The following TCF7L1 variants were observed in gnomAD, a reference collection of about 807,000 sequenced individuals.
TCF7L1 encodes the protein transcription factor 7 like 1.
TCF7L1 carries 18 observed loss-of-function variants against 63.7 expected under a neutral mutation model. The ratio of observed to expected loss-of-function variants is 0.28; its 90% CI spans 0.20 to 0.42. TCF7L1 has a LOEUF of 0.42. Among genes scored for constraint, TCF7L1 ranks in the 10% least tolerant of loss-of-function variants. The pLI is 1.00. For missense variants in TCF7L1, 654 were observed against 779.3 expected (o/e 0.84, Z 1.91); for synonymous variants, 355 against 340.9 (o/e 1.04, Z -0.46).
intron 3 of TCF7L1, among the ~76,000 whole-genome samples, chr2:85,276,619 C>T (rs1421708377): frequency 6.7e-6 from 1 of 149,886 alleles, no homozygotes; most frequent in East Asian, 2.1e-4. Context: ...GCCTTCTAAA[C>T]ACCAGTCACA....
chr2:85,252,984 T>C (rs17763748), intron 3 of TCF7L1, among the ~76,000 whole-genome samples: 1 of 152,052 alleles, frequency 6.6e-6, no homozygotes, highest in Non-Finnish European at 1.5e-5. Flanking sequence ...GGCCTAAAAT[T>C]AGACCTTCGC....
intron 4 of TCF7L1, among the ~76,000 whole-genome samples, chr2:85,287,139 C>G (rs79154560): frequency 6.6e-6 from 1 of 152,156 alleles, no homozygotes; most frequent in South Asian, 2.1e-4. Context: ...CACTGCAGCC[C>G]GGCTTAGCGC....
chr2:85,140,480 T>TC (rs5832634), intron 3 of TCF7L1, among the ~76,000 whole-genome samples: 98,732 of 151,778 alleles, frequency 0.65, 32,676 homozygotes, highest in East Asian at 0.88. Flanking sequence ...CCCTTTCTTT[T>TC]CCTCCATGGT....
At chr2:85,297,421 G>GT (rs1165712303) in intron 4 of TCF7L1, among the ~76,000 whole-genome samples, 1 of 152,198 alleles carries the variant, frequency 6.6e-6, no homozygotes, top group Non-Finnish European at 1.5e-5. Flanking sequence ...CTGGCCTGCC[G>GT]TGGGTCCTCA....
intron 3 of TCF7L1, among the ~76,000 whole-genome samples, chr2:85,274,564 C>A (rs141882563): frequency 6.6e-6 from 1 of 152,198 alleles, no homozygotes; most frequent in Admixed American, 6.5e-5. Context: ...CCCCTCCAAC[C>A]CAGCTCTTGC....
intron 3 of TCF7L1, among the ~76,000 whole-genome samples, chr2:85,234,111 TTTC>T (rs765948649): frequency 1.1e-4 from 17 of 150,942 alleles, no homozygotes; most frequent in Non-Finnish European, 2.4e-4. Context: ...GCTTTTTTCA[TTTC>T]TTTTCTTTTT....
intron 3 of TCF7L1, among the ~76,000 whole-genome samples, chr2:85,250,428 G>A (rs563587015): frequency 1.3e-5 from 2 of 149,602 alleles, no homozygotes; most frequent in East Asian, 3.9e-4. Flanking sequence ...ACATAGACTA[G>A]CTCAAAAGTG....
intron 10 of TCF7L1, 123 bp from the exon 11 acceptor site, chr2:85,307,519 A>G: frequency 1.3e-6 from 1 of 748,864 alleles, no homozygotes; most frequent in African/African-American, 1.8e-5. Flanking sequence ...ATCTCTCCAC[A>G]CTCTCCCTGA....
At chr2:85,143,196 G>A (rs1296457498) in intron 3 of TCF7L1, among the ~76,000 whole-genome samples, 1 of 152,106 alleles carries the variant, frequency 6.6e-6, no homozygotes, top group Non-Finnish European at 1.5e-5. Flanking sequence ...TCAAGAGGAG[G>A]AACAAGGCCC....
At position 85,253,983 on chromosome 2, in the gene TCF7L1, T is replaced by TG. The variant is rs1158191102; in HGVS notation, c.442-29509dup. Among the ~76,000 whole-genome samples, 3 of 152,212 alleles carry TG rather than the reference T, an allele frequency of 2.0e-5. No individual in the cohort carries two copies. In the East Asian group the frequency reaches 5.8e-4, roughly 29 times the overall value. ...CAGCAGGAGACTGAGTGGGAGCCCT[T>TG]GGGTCTTTGGGATGGTTTCACCTTT... is the stretch of plus-strand genomic sequence containing the variant. On this transcript the variant is annotated intron_variant, in intron 3 of 11. Transcript: ENST00000282111.
At chr2:85,228,608 G>A (rs1680007267) in intron 3 of TCF7L1, among the ~76,000 whole-genome samples, 1 of 152,074 alleles carries the variant, frequency 6.6e-6, no homozygotes, top group Non-Finnish European at 1.5e-5. Flanking sequence ...GGGTTCCCAA[G>A]GAGTTCAGAA....
intron 3 of TCF7L1, among the ~76,000 whole-genome samples, chr2:85,141,729 G>A (rs1370163035): frequency 6.6e-6 from 1 of 152,212 alleles, no homozygotes; most frequent in Non-Finnish European, 1.5e-5. Context: ...TTCAAAAGCA[G>A]GTAGGCTTCT....
chr2:85,237,496 G>A (rs1399151708), intron 3 of TCF7L1, among the ~76,000 whole-genome samples: 3 of 152,124 alleles, frequency 2.0e-5, no homozygotes, highest in Non-Finnish European at 4.4e-5. Context: ...AACCTGCACA[G>A]GCATCCACAG....
chr2:85,225,579 G>C (rs920688311), intron 3 of TCF7L1, among the ~76,000 whole-genome samples: 1 of 152,166 alleles, frequency 6.6e-6, no homozygotes, highest in Admixed American at 6.5e-5. Flanking sequence ...CTCTCTGTTT[G>C]TCTGTTATTG....
At chr2:85,172,096 C>A (rs899439673) in intron 3 of TCF7L1, among the ~76,000 whole-genome samples, 2 of 152,120 alleles carry the variant, frequency 1.3e-5, no homozygotes, top group African/African-American at 4.8e-5. Flanking sequence ...GATGTTGCCA[C>A]CAGAAGGCCC....
At chr2:85,222,561 T>C (rs1487546859) in intron 3 of TCF7L1, among the ~76,000 whole-genome samples, 1 of 149,292 alleles carries the variant, frequency 6.7e-6, no homozygotes, top group Non-Finnish European at 1.5e-5. Context: ...TCCCAGCTAC[T>C]TGGGAGGCTG....
At chr2:85,177,890 C>T (rs868723391) in intron 3 of TCF7L1, among the ~76,000 whole-genome samples, 6 of 151,930 alleles carry the variant, frequency 3.9e-5, no homozygotes, top group African/African-American at 1.5e-4. Context: ...TAATGATTTC[C>T]CTCAAAGTTC....
chr2:85,254,834 T>A (rs1680672259), intron 3 of TCF7L1, among the ~76,000 whole-genome samples: 1 of 152,090 alleles, frequency 6.6e-6, no homozygotes, highest in Non-Finnish European at 1.5e-5. Context: ...GAGGCACAGG[T>A]ATGTGGGGAA....
intron 6 of TCF7L1, 124 bp downstream of exon 6, chr2:85,304,121 C>T (rs1305580329): frequency 8.3e-7 from 1 of 1,198,300 alleles, no homozygotes; most frequent in African/African-American, 1.5e-5. Context: ...CCTCCCTGCC[C>T]CCGCCCAGGC....
Sources: gnomAD v4.1 joint callset for allele counts (sites outside exome capture counted in the v4.1 genomes callset) on GRCh38, gnomAD v4.1.1 for gene constraint, MANE v1.5 for transcripts, NCBI Gene and HGNC (gene_info 2026-07-23, HGNC 2026-07-21) for gene names.